Variants in XKR4 observed in about 807,000 individuals in gnomAD.
XKR4 encodes the protein XK related 4.
A neutral mutation model predicts 53.9 loss-of-function variants in XKR4; 12 were observed. The ratio of observed to expected loss-of-function variants is 0.22; its 90% CI spans 0.14 to 0.36. The LOEUF is 0.36. Among genes scored for constraint, XKR4 ranks in the 10% least tolerant of loss-of-function variants. The pLI, the probability that XKR4 is intolerant of heterozygous loss-of-function variation, is 1.00. For synonymous variants in XKR4, 354 were observed against 362.4 expected (o/e 0.98, Z 0.26); for missense variants, 799 against 859.5 (o/e 0.93, Z 0.88).
intron 2 of XKR4, among the ~76,000 whole-genome samples, chr8:55,472,039 G>A (rs1805892847): frequency 6.6e-6 from 1 of 152,084 alleles, no homozygotes; most frequent in African/African-American, 2.4e-5. Flanking sequence ...GATAACTCCT[G>A]GTGGGTTGAT....
intron 1 of XKR4, among the ~76,000 whole-genome samples, chr8:55,107,565 T>C (rs1223618116): frequency 6.6e-6 from 1 of 152,180 alleles, no homozygotes; most frequent in African/African-American, 2.4e-5. Context: ...ACTATACCAT[T>C]TGGACATACT....
intron 1 of XKR4, among the ~76,000 whole-genome samples, chr8:55,185,618 T>C (rs1253884649): frequency 1.3e-5 from 2 of 152,230 alleles, no homozygotes; most frequent in Admixed American, 6.5e-5. Flanking sequence ...ATTCAAGTAT[T>C]ATTTGGAATT....
At chr8:55,208,925 C>T (rs1207062835) in intron 1 of XKR4, among the ~76,000 whole-genome samples, 1 of 152,164 alleles carries the variant, frequency 6.6e-6, no homozygotes. Context: ...AGTGGATGGA[C>T]ACATATCAAA....
chr8:55,186,148 A>G (rs1817373689), intron 1 of XKR4, among the ~76,000 whole-genome samples: 1 of 152,188 alleles, frequency 6.6e-6, no homozygotes, highest in South Asian at 2.1e-4. Context: ...TTCATCTCCC[A>G]GAATAATGTG....
rs1469862480 is a variant in XKR4 at position 55,328,020 on chromosome 8, A to G, written c.807-29658A>G. Among the ~76,000 whole-genome samples the G allele has an allele frequency of 1.3e-5, 2 of 152,198 alleles. 1 individual carries two copies. Among genetic ancestry groups the G allele is most frequent in the South Asian group, 4.1e-4 (2 of 4,832 alleles). Reference sequence around the variant, plus strand: ...TGTATTAGTCTTTTCCAACACTGCTATGAAAAAATACCCGAGACTGCATAA... The same window carrying G: ...TGTATTAGTCTTTTCCAACACTGCTGTGAAAAAATACCCGAGACTGCATAA... On this transcript the variant is annotated intron_variant, in intron 1 of 2. Transcript: ENST00000327381.
chr8:55,326,242 T>C (rs1173382408), intron 1 of XKR4, among the ~76,000 whole-genome samples: 4 of 152,178 alleles, frequency 2.6e-5, no homozygotes, highest in Non-Finnish European at 5.9e-5. Flanking sequence ...ATGTTGGCGA[T>C]TGTAATAATC....
chr8:55,289,473 C>T (rs1208637735), intron 1 of XKR4, among the ~76,000 whole-genome samples: 1 of 148,186 alleles, frequency 6.7e-6, no homozygotes, highest in East Asian at 2.0e-4. Flanking sequence ...CGAGATAGTG[C>T]CATTGCCTTC....
intron 1 of XKR4, among the ~76,000 whole-genome samples, chr8:55,240,587 C>T (rs1818197534): frequency 6.6e-6 from 1 of 152,042 alleles, no homozygotes. Flanking sequence ...CATTATCCTA[C>T]AGAGGACAAT....
intron 1 of XKR4, among the ~76,000 whole-genome samples, chr8:55,316,599 T>C (rs1819478537): frequency 6.6e-6 from 1 of 152,196 alleles, no homozygotes; most frequent in Non-Finnish European, 1.5e-5. Flanking sequence ...TCTGAGACTA[T>C]GTGATTGAGC....
intron 1 of XKR4, among the ~76,000 whole-genome samples, chr8:55,154,457 T>G (rs1816879118): frequency 6.6e-6 from 1 of 152,216 alleles, no homozygotes; most frequent in Non-Finnish European, 1.5e-5. Context: ...AAATTTAATT[T>G]TCTACTTTTA....
intron 1 of XKR4, among the ~76,000 whole-genome samples, chr8:55,114,726 G>A (rs1307963670): frequency 1.3e-5 from 2 of 152,148 alleles, no homozygotes; most frequent in Non-Finnish European, 2.9e-5. Flanking sequence ...TGGGACTGCA[G>A]GCAGGTTCTC....
chr8:55,517,354 GAGAC>G (rs1393064600), intron 2 of XKR4: 1 of 151,846 alleles, frequency 6.6e-6, no homozygotes, highest in Non-Finnish European at 1.5e-5. Flanking sequence ...GGCAAGCAGA[GAGAC>G]AGGTGCTGGG....
intron 1 of XKR4, among the ~76,000 whole-genome samples, chr8:55,155,554 A>G (rs1306465131): frequency 2.1e-5 from 3 of 142,818 alleles, no homozygotes; most frequent in Non-Finnish European, 3.1e-5. Flanking sequence ...TAGAAGTGTG[A>G]AAAAAAAAAA....
chr8:55,425,692 G>T (rs2129392934), intron 2 of XKR4, among the ~76,000 whole-genome samples: 1 of 152,150 alleles, frequency 6.6e-6, no homozygotes, highest in South Asian at 2.1e-4. Context: ...CCCCCTCTGA[G>T]CTCACTGCAT....
rs558995856 is a variant in XKR4, at chr8:55,117,179, A to G, written c.806+13885A>G. Among the ~76,000 whole-genome samples the G allele has an allele frequency of 3.3e-5, 5 of 152,292 alleles. No homozygotes were observed. In the South Asian group the frequency reaches 6.2e-4, roughly 19 times the overall value. Reference sequence around the variant, plus strand: ...TATGTGGCTTGCATTATTCTATTCTATTGGACATTGCTGAGCTAGATGATG... The same window carrying G: ...TATGTGGCTTGCATTATTCTATTCTGTTGGACATTGCTGAGCTAGATGATG... On this transcript the variant is annotated intron_variant, in intron 1 of 2. Coordinates refer to ENST00000327381, the MANE Select transcript of XKR4 (RefSeq NM_052898.2).
intron 2 of XKR4, among the ~76,000 whole-genome samples, chr8:55,435,813 C>T (rs968939295): frequency 8.5e-5 from 13 of 152,106 alleles, no homozygotes; most frequent in Non-Finnish European, 1.8e-4. Context: ...AGCGATCCTC[C>T]TTCCTGGGCT....
intron 1 of XKR4, among the ~76,000 whole-genome samples, chr8:55,126,380 C>T (rs1398731114): frequency 6.6e-6 from 1 of 152,220 alleles, no homozygotes; most frequent in Non-Finnish European, 1.5e-5. Flanking sequence ...GAAGTAAAGT[C>T]TCCATTGTTG....
intron 1 of XKR4, among the ~76,000 whole-genome samples, chr8:55,211,378 A>G (rs1167391463): frequency 1.3e-5 from 2 of 152,220 alleles, no homozygotes; most frequent in Non-Finnish European, 2.9e-5. Context: ...TAAGTCAAGC[A>G]CTTTGTCAAA....
At chr8:55,267,112 G>A (rs1818615190) in intron 1 of XKR4, among the ~76,000 whole-genome samples, 2 of 152,168 alleles carry the variant, frequency 1.3e-5, no homozygotes, top group Non-Finnish European at 2.9e-5. Flanking sequence ...GCATGAGGAT[G>A]GTGAGGATAT....
Sources: gnomAD v4.1 joint callset for allele counts (sites outside exome capture counted in the v4.1 genomes callset) on GRCh38, gnomAD v4.1.1 for gene constraint, MANE v1.5 for transcripts, NCBI Gene and HGNC (gene_info 2026-07-23, HGNC 2026-07-21) for gene names.